PKHD1L1: variants seen among roughly 807,000 people sequenced by gnomAD.
The protein encoded by PKHD1L1 is fibrocystin-L.
Under a neutral mutation model 462.9 loss-of-function variants are expected in PKHD1L1, and 434 were observed. That is an observed-to-expected ratio of 0.94 (90% CI 0.87 to 1.02). PKHD1L1 has a LOEUF of 1.02. Ranked by LOEUF, PKHD1L1 falls within the 50% of genes least tolerant of loss-of-function variation. The pLI, the probability that PKHD1L1 is intolerant of heterozygous loss-of-function variation, is 0.00. For synonymous variants in PKHD1L1, 1,781 were observed against 1,750.0 expected, an observed-to-expected ratio of 1.02 and a Z score of -0.44; for missense variants, 5,202 against 5,096.1, an observed-to-expected ratio of 1.02 and a Z score of -0.63.
rs1586571705 is a variant in PKHD1L1 at position 109,465,335 on chromosome 8, C to T, written c.8413+90C>T. The T allele has an allele frequency of 2.3e-6, 3 of 1,320,998 alleles. No homozygotes were observed. In the East Asian group the frequency reaches 7.5e-5, roughly 33 times the overall value. 81.8% of individuals were successfully genotyped at this position (1,320,998 alleles called of 1,614,324 possible). A position where few individuals can be genotyped will look rare whatever the true frequency, so the allele number is the denominator to read the frequency against. On this transcript the variant is annotated intron_variant, in intron 49 of 77. Coordinates refer to ENST00000378402, the MANE Select transcript of PKHD1L1 (RefSeq NM_177531.6). Reference sequence around the variant, plus strand: ...GAATTGTTAAAGCAGACTTAGGTGCCTTACAGATCTTACCCAATAGCAAAC... The same window carrying T: ...GAATTGTTAAAGCAGACTTAGGTGCTTTACAGATCTTACCCAATAGCAAAC...
chr8:109,496,870 A>G (rs1298249324), intron 63 of PKHD1L1, 49 bp from the exon 64 acceptor site: 13 of 1,530,556 alleles, frequency 8.5e-6, no homozygotes, highest in Non-Finnish European at 1.1e-5. Flanking sequence ...TTAAAACTAT[A>G]TGACATGAAA....
intron 2 of PKHD1L1, among the ~76,000 whole-genome samples, chr8:109,365,687 G>A (rs1464487958): frequency 6.6e-6 from 1 of 152,152 alleles, no homozygotes; most frequent in South Asian, 2.1e-4. Flanking sequence ...GATTAAGAAA[G>A]AAGAAGGGCT....
chr8:109,452,327 A>C (rs755326199), intron 42 of PKHD1L1, 47 bp downstream of exon 42: 1 of 1,434,500 alleles, frequency 7.0e-7, no homozygotes, highest in South Asian at 1.7e-5. Context: ...GAAAACCAGC[A>C]TTATGGGAGG....
rs761939754 is a variant in PKHD1L1, at chr8:109,459,756, C to T, written c.7166C>T (p.Thr2389Ile). ...FEARAEVGIL[T>I]RNILIRGSDN... is the part of the protein sequence containing the mutation. ...GCAAGAGCAGAAGTTGGAATTCTTA[C>T]AAGAAATATTTTAATAAGAGGATCT... The change falls in exon 47 of 78, where the codon ACA becomes ATA. Residue 2389 changes from threonine (T) to isoleucine (I), a missense_variant. Thr to Ile is a moderately conservative substitution (Grantham distance 89). Around this residue, in one of 3 missense-constraint regions of PKHD1L1, gnomAD observed 4,497 missense variants for 4,336.8 expected, o/e 1.04. Coordinates refer to ENST00000378402, the MANE Select transcript of PKHD1L1 (RefSeq NM_177531.6). The T allele has an allele frequency of 5.0e-6, 8 of 1,611,344 alleles. No homozygotes were observed. The Admixed American group carries it at 1.3e-4, about 27-fold the overall frequency.
Position 109,480,093 on chromosome 8 carries a change from C to T in PKHD1L1, c.9281C>T (p.Ser3094Phe), listed in dbSNP as rs1818200044. The T allele has an allele frequency of 1.9e-6, 3 of 1,579,254 alleles. No individual in the cohort carries two copies. The highest frequency in any genetic ancestry group is 2.6e-6 in the Non-Finnish European group (3 of 1,162,134). Residue 3094 changes from serine (S) to phenylalanine (F), a missense_variant, in exon 55 of 78, where the codon TCT becomes TTT. Physicochemically the swap from Ser to Phe is radical, Grantham distance 155. This residue lies in a region of PKHD1L1 where 4,497 missense variants were observed against 4,336.8 expected (regional missense o/e 1.04). Transcript: ENST00000378402. ...EDKYNVGAAE[S>F]SYREVVLNAT... ...AAATACAATGTAGGAGCTGCAGAAT[C>T]TTCTTACAGAGAAGTTGTTTTGAAT...
At position 109,382,512 on chromosome 8, in the gene PKHD1L1, C is replaced by T; in HGVS notation, c.358C>T (p.Pro120Ser). ...YTVRVSVDGV[P>S]VTENNTCKGH... is the part of the protein sequence containing the mutation. Reference sequence around the variant, plus strand: ...TGTTAGAGTCAGTGTGGACGGGGTTCCTGTTACGGAAAATAACACCTGCAA... The same window carrying T: ...TGTTAGAGTCAGTGTGGACGGGGTTTCTGTTACGGAAAATAACACCTGCAA... Residue 120 changes from proline to serine, a missense_variant, in exon 4 of 78, where the codon CCT becomes TCT. Transcript: ENST00000378402. 2.5e-6 allele frequency: 4 copies of T among 1,612,502 alleles called. No individual in the cohort carries two copies. The South Asian group carries it at 4.4e-5, about 18-fold the overall frequency.
intron 69 of PKHD1L1, 39 bp downstream of exon 69, chr8:109,507,934 A>G: frequency 6.3e-7 from 1 of 1,586,590 alleles, no homozygotes; most frequent in Non-Finnish European, 8.6e-7. Context: ...TAGGCCTTAA[A>G]CTCATGAAAC....
Position 109,401,602 on chromosome 8 carries a change from C to T in PKHD1L1, c.1373+14C>T, listed in dbSNP as rs763412011. ...GAAAGGAAAAGAGTAAGGCTTTTTC[C>T]TGTCATTAAATTACTGTGTGGTATT... On this transcript the variant is annotated intron_variant, in intron 14 of 77. Coordinates refer to ENST00000378402, the MANE Select transcript of PKHD1L1 (RefSeq NM_177531.6). 62 of 1,387,788 alleles carry T rather than the reference C, an allele frequency of 4.5e-5. 2 individuals carry two copies. The Admixed American group carries it at 9.5e-4, about 21-fold the overall frequency. 86.0% of individuals were successfully genotyped at this position (1,387,788 alleles called of 1,614,324 possible). A position where few individuals can be genotyped will look rare whatever the true frequency, so the allele number is the denominator to read the frequency against.
In PKHD1L1 at chr8:109,518,283, A is replaced by T; in HGVS notation, c.11806A>T (p.Thr3936Ser). 1 of 1,611,712 alleles carries T rather than the reference A, an allele frequency of 6.2e-7. No individual in the cohort carries two copies. The highest frequency in any genetic ancestry group is 8.5e-7 in the Non-Finnish European group (1 of 1,178,036). ...TATACCTGTTGAAATTCACACTGCC[A>T]CAGTGATATTTGTTTCTTTCCAATT... ...GTIPVEIHTA[T>S]VIFVSFQLSV... The change falls in exon 73 of 78, where the codon ACA becomes TCA. Residue 3936 changes from threonine to serine, a missense_variant. Thr to Ser is a moderately conservative substitution (Grantham distance 58, BLOSUM62 1). Transcript: ENST00000378402.
chr8:109,422,390 A>G (rs1274454594), intron 23 of PKHD1L1, among the ~76,000 whole-genome samples: 1 of 152,148 alleles, frequency 6.6e-6, no homozygotes, highest in East Asian at 1.9e-4. Context: ...ACTCACTTAT[A>G]TATGGCAACC....
chr8:109,487,948 G>GGAAGGAAA (rs1554589618), intron 59 of PKHD1L1, among the ~76,000 whole-genome samples: 20 of 146,442 alleles, frequency 1.4e-4, no homozygotes, highest in African/African-American at 2.3e-4. Context: ...AAGGAAAGAA[G>GGAAGGAAA]GAAGGAAGGA....
At position 109,532,289 on chromosome 8, in the gene PKHD1L1, C is replaced by T. The variant is rs1055918303; in HGVS notation, c.*2199C>T. Among the ~76,000 whole-genome samples the T allele has an allele frequency of 5.9e-5, 9 of 152,196 alleles. No individual in the cohort carries two copies. Among genetic ancestry groups the T allele is most frequent in the African/African-American group, 1.7e-4 (7 of 41,458 alleles). ...TGTTTTAACTGCTTTAGGCTTCTGG[C>T]TGTCTGCTTTTTAAGAACATTCTAG... On this transcript the variant is annotated 3_prime_UTR_variant, in exon 78 of 78. Transcript: ENST00000378402.
At chr8:109,481,842 G>T (rs2607636) in intron 56 of PKHD1L1, among the ~76,000 whole-genome samples, 59,363 of 151,404 alleles carry the variant, frequency 0.39, 11,826 homozygotes, top group South Asian at 0.57. Context: ...AAAACTAATA[G>T]TAACAAATCT....
Position 109,498,750 on chromosome 8 carries a change from A to G in PKHD1L1, c.10807A>G (p.Ser3603Gly), listed in dbSNP as rs1819253074. ...AGGAATCATGAGTTACAATGCCATC[A>G]GTGGCCTTTTGGACATCTCAGGCAA... ...HAGIMSYNAISGLLDISGSTF... is the reference protein window; with the variant it reads ...HAGIMSYNAIGGLLDISGSTF... Residue 3603 changes from serine (S) to glycine (G), a missense_variant, in exon 67 of 78, where the codon AGT becomes GGT. Physicochemically the swap from Ser to Gly is moderately conservative, Grantham distance 56. Around this residue, in one of 3 missense-constraint regions of PKHD1L1, gnomAD observed 4,497 missense variants for 4,336.8 expected, o/e 1.04. Transcript: ENST00000378402. The G allele has an allele frequency of 6.2e-7, 1 of 1,613,424 alleles. No homozygotes were observed. The highest frequency in any genetic ancestry group is 1.3e-5 in the African/African-American group (1 of 74,936).
At position 109,442,042 on chromosome 8, in the gene PKHD1L1, C is replaced by T. The variant is rs529306885; in HGVS notation, c.4240C>T (p.Leu1414=). The change falls in exon 35 of 78, where the codon CTA becomes TTA. Residue 1414 remains leucine (L), a synonymous_variant. Coordinates refer to ENST00000378402, the MANE Select transcript of PKHD1L1 (RefSeq NM_177531.6). The stretch of plus-strand genomic sequence containing the variant: ...AGGTTATGCCTGGTCACCACCAGTC[C>T]TAAATGTGTCTGTGGGGGACACAGT... ...GLGYAWSPPV[L]NVSVGDTVAW... The T allele has an allele frequency of 6.2e-7, 1 of 1,612,770 alleles. No individual in the cohort carries two copies. The highest frequency in any genetic ancestry group is 8.5e-7 in the Non-Finnish European group (1 of 1,179,306).
chr8:109,396,116 C>T lies in PKHD1L1; in HGVS notation c.901C>T (p.Pro301Ser). ...GCGTTTCTTTGATCAGACAGATTTC[C>T]CCGTCAGAGTTCTAGTTGGAGGTAT... is the stretch of plus-strand genomic sequence containing the variant. ...SGRFFDQTDF[P>S]VRVLVGGEPC... The change falls in exon 11 of 78, where the codon CCC becomes TCC. Residue 301 changes from proline to serine, a missense_variant. By Grantham distance (74) the Pro-to-Ser change is moderately conservative (BLOSUM62 -1). This residue lies in a region of PKHD1L1 where 4,497 missense variants were observed against 4,336.8 expected (regional missense o/e 1.04). Transcript: ENST00000378402. 2 of 1,607,912 alleles carry T rather than the reference C, an allele frequency of 1.2e-6. No individual in the cohort carries two copies. Among genetic ancestry groups the T allele is most frequent in the Non-Finnish European group, 1.7e-6 (2 of 1,177,232 alleles).
intron 38 of PKHD1L1, among the ~76,000 whole-genome samples, 200 bp from the exon 39 acceptor site, chr8:109,447,942 CA>C (rs1816245031): frequency 6.6e-6 from 1 of 152,056 alleles, no homozygotes; most frequent in African/African-American, 2.4e-5. Context: ...TGAGATAAAT[CA>C]CTTATAATTA....
Position 109,420,614 on chromosome 8 carries a change from C to G in PKHD1L1, c.2621C>G (p.Thr874Arg). The G allele has an allele frequency of 6.2e-7, 1 of 1,610,112 alleles. No homozygotes were observed. The highest frequency in any genetic ancestry group is 8.5e-7 in the Non-Finnish European group (1 of 1,177,942). Reference protein sequence around the residue: ...NQTKTNGPTMTNQYSVTMTSY... With the variant: ...NQTKTNGPTMRNQYSVTMTSY... ...ACCAAAACAAATGGGCCAACTATGA[C>G]AAACCAATATTCTGTTACCATGACT... is the stretch of plus-strand genomic sequence containing the variant. Residue 874 changes from threonine to arginine, a missense_variant, in exon 23 of 78, where the codon ACA (threonine) becomes AGA (arginine). Coordinates refer to ENST00000378402, the MANE Select transcript of PKHD1L1 (RefSeq NM_177531.6).
chr8:109,445,727 A>G, intron 38 of PKHD1L1, 82 bp downstream of exon 38: 7 of 1,345,976 alleles, frequency 5.2e-6, no homozygotes, highest in Non-Finnish European at 7.0e-6. Context: ...ATATTTGTAA[A>G]TAACTATTAA....
Sources: gnomAD v4.1 joint callset for allele counts (sites outside exome capture counted in the v4.1 genomes callset) on GRCh38, gnomAD v4.1.1 for gene constraint, gnomAD v4.1.1 regional missense constraint, MANE v1.5 for transcripts, NCBI Gene and HGNC (gene_info 2026-07-23, HGNC 2026-07-21) for gene names.